Variants in FLI1 observed in about 807,000 individuals in gnomAD.
The protein encoded by FLI1 is Fli-1 proto-oncogene, ETS transcription factor, also known as Friend leukemia integration 1 transcription factor.
A neutral mutation model predicts 53.1 loss-of-function variants in FLI1; 13 were observed. That is an observed-to-expected ratio of 0.24 (90% CI 0.16 to 0.39). The LOEUF (loss-of-function observed/expected upper bound fraction) is 0.39. FLI1 is among the 10% of genes least tolerant of loss of function. FLI1 has a pLI of 1.00. For missense variants in FLI1, 424 were observed against 600.5 expected, an observed-to-expected ratio of 0.71 and a Z score of 3.07; for synonymous variants, 244 against 236.7, an observed-to-expected ratio of 1.03 and a Z score of -0.28.
intron 1 of FLI1, among the ~76,000 whole-genome samples, chr11:128,727,764 T>C (rs1939539926): frequency 6.6e-6 from 1 of 152,202 alleles, no homozygotes; most frequent in African/African-American, 2.4e-5. Flanking sequence ...TGCGTGCAAC[T>C]GGCTCTCAGG....
intron 1 of FLI1, among the ~76,000 whole-genome samples, chr11:128,697,177 G>C (rs1227618495): frequency 2.0e-5 from 3 of 152,306 alleles, no homozygotes; most frequent in East Asian, 3.9e-4. Flanking sequence ...ACTGTTTGCT[G>C]CTTTAAGAAA....
chr11:128,751,803 C>T (rs1168213772), intron 1 of FLI1, among the ~76,000 whole-genome samples: 7 of 149,770 alleles, frequency 4.7e-5, no homozygotes, highest in Non-Finnish European at 4.4e-5. Context: ...GCTGGGATTA[C>T]AGGCGTGGGT....
At chr11:128,719,757 C>T (rs779261238) in intron 1 of FLI1, among the ~76,000 whole-genome samples, 3 of 152,038 alleles carry the variant, frequency 2.0e-5, no homozygotes, top group East Asian at 1.9e-4. Flanking sequence ...ATGGAGTCAC[C>T]GGCTGAAATG....
intron 5 of FLI1, among the ~76,000 whole-genome samples, chr11:128,803,032 G>T (rs1261858881): frequency 6.6e-6 from 1 of 152,332 alleles, no homozygotes; most frequent in African/African-American, 2.4e-5. Context: ...GTAGACTAAT[G>T]ATTGAGCAGA....
intron 5 of FLI1, among the ~76,000 whole-genome samples, chr11:128,787,557 A>G (rs1591813252): frequency 6.6e-6 from 1 of 152,240 alleles, no homozygotes; most frequent in Non-Finnish European, 1.5e-5. Context: ...CTGATTAAAA[A>G]CTTGGGCTCT....
At chr11:128,731,770 A>G (rs1939708856) in intron 1 of FLI1, among the ~76,000 whole-genome samples, 1 of 152,178 alleles carries the variant, frequency 6.6e-6, no homozygotes, top group African/African-American at 2.4e-5. Context: ...TGGGAGGCGG[A>G]GGCGGGCAAA....
chr11:128,781,822 C>T lies in FLI1; in HGVS notation c.590-136C>T, dbSNP rs543299091. Reference sequence around the variant, plus strand: ...ACCAAATGGATTCCATTCGCTTTTCCTTTCTTCCTAGGAGTCCTCTGTCCC... The same window carrying T: ...ACCAAATGGATTCCATTCGCTTTTCTTTTCTTCCTAGGAGTCCTCTGTCCC... On this transcript the variant is annotated intron_variant, in intron 4 of 8. Coordinates refer to ENST00000527786, the MANE Select transcript of FLI1 (RefSeq NM_002017.5). 2.4e-4 allele frequency: 168 copies of T among 704,950 alleles called. No individual in the cohort carries two copies. The African/African-American group carries it at 2.7e-3, about 11-fold the overall frequency. The allele number at this position is 704,950 out of a possible 1,614,324, so 43.7% of individuals were successfully genotyped here.
At chr11:128,711,070 C>A (rs1377709808) in intron 1 of FLI1, among the ~76,000 whole-genome samples, 1 of 152,178 alleles carries the variant, frequency 6.6e-6, no homozygotes, top group East Asian at 1.9e-4. Context: ...ACTATGGTAG[C>A]CACTGTACTC....
At chr11:128,764,728 C>A in intron 2 of FLI1, 2 of 1,568,786 alleles carry the variant, frequency 1.3e-6, no homozygotes, top group South Asian at 1.2e-5. Flanking sequence ...GCCGTGGAGC[C>A]CCATGGCCGC....
rs1291383948 is a variant in FLI1, at chr11:128,781,847, C to T, written c.590-111C>T. On this transcript the variant is annotated intron_variant, in intron 4 of 8. Transcript: ENST00000527786. ...CTTTCTTCCTAGGAGTCCTCTGTCC[C>T]TCTTCCCCTCTCCCCATCTCTTTCC... The T allele has an allele frequency of 4.8e-6, 4 of 841,952 alleles. No homozygotes were observed. The African/African-American group carries it at 5.0e-5, about 11-fold the overall frequency. 52.2% of individuals were successfully genotyped at this position (841,952 alleles called of 1,614,324 possible).
intron 4 of FLI1, among the ~76,000 whole-genome samples, chr11:128,777,774 G>A (rs1941781932): frequency 2.0e-5 from 3 of 152,256 alleles, no homozygotes; most frequent in Admixed American, 2.0e-4. Context: ...GGCTGTGAGG[G>A]GGCACTGGTG....
At chr11:128,808,655 ATTTG>A (rs1189886934) in intron 7 of FLI1, among the ~76,000 whole-genome samples, 3 of 152,198 alleles carry the variant, frequency 2.0e-5, no homozygotes, top group African/African-American at 4.8e-5. Context: ...CCAACAAGTT[ATTTG>A]TTTATCACAT....
At chr11:128,734,059 C>T (rs906830684) in intron 1 of FLI1, among the ~76,000 whole-genome samples, 7 of 152,100 alleles carry the variant, frequency 4.6e-5, no homozygotes, top group South Asian at 2.1e-4. Flanking sequence ...CCAGGGGCTC[C>T]GAGGCCACAG....
At chr11:128,765,148 C>T (rs1441525506) in intron 2 of FLI1, among the ~76,000 whole-genome samples, 4 of 152,148 alleles carry the variant, frequency 2.6e-5, no homozygotes, top group Non-Finnish European at 5.9e-5. Context: ...CAGCGGCCAC[C>T]CCAGCAAGAG....
intron 1 of FLI1, among the ~76,000 whole-genome samples, chr11:128,694,935 G>T (rs982691747): frequency 3.0e-4 from 46 of 152,166 alleles, no homozygotes; most frequent in Non-Finnish European, 7.4e-5. Flanking sequence ...GGGACTCCTG[G>T]GCCGGCCTCG....
At chr11:128,777,802 G>A (rs546186360) in intron 4 of FLI1, among the ~76,000 whole-genome samples, 4 of 152,266 alleles carry the variant, frequency 2.6e-5, no homozygotes, top group African/African-American at 4.8e-5. Flanking sequence ...TGGTCACAGC[G>A]AGGCAGGAGA....
At chr11:128,729,049 C>T (rs986836959) in intron 1 of FLI1, among the ~76,000 whole-genome samples, 2 of 152,180 alleles carry the variant, frequency 1.3e-5, no homozygotes, top group Admixed American at 6.5e-5. Context: ...TGAGCTCCTG[C>T]GTGAATCCTA....
rs1483202165 is a variant in FLI1 at position 128,811,823 on chromosome 11, C to A, written c.*835C>A. The A allele has an allele frequency of 5.0e-6, 1 of 200,556 alleles. No individual in the cohort carries two copies. The highest frequency in any genetic ancestry group is 2.3e-5 in the African/African-American group (1 of 43,296). The allele number at this position is 200,556 out of a possible 1,614,324, so 12.4% of individuals were successfully genotyped here. ...AGACCAGGGCCAACCAATCAGAAGG[C>A]AACTTACTGTATAAATTATGCAGAG... On this transcript the variant is annotated 3_prime_UTR_variant, in exon 9 of 9. Transcript: ENST00000527786.
rs61907831 is a variant in FLI1, at chr11:128,688,524, G to A, written c.-203+1823G>A. Among the ~76,000 whole-genome samples, 616 of 152,266 alleles carry A rather than the reference G, an allele frequency of 4.0e-3. 2 individuals are homozygous for A. Among genetic ancestry groups the A allele is most frequent in the South Asian group, 7.9e-3 (38 of 4,824 alleles). On this transcript the variant is annotated intron_variant, in intron 1 of 6. Coordinates refer to the FLI1 transcript ENST00000344954. Reference sequence around the variant, plus strand: ...GGCTGCCAAGCCCCTGCCGTTGTCCGGCAGGCACCCGGCTCAGGAGTTGTT... The same window carrying A: ...GGCTGCCAAGCCCCTGCCGTTGTCCAGCAGGCACCCGGCTCAGGAGTTGTT...
Sources: gnomAD v4.1 joint callset for allele counts (sites outside exome capture counted in the v4.1 genomes callset) on GRCh38, gnomAD v4.1.1 for gene constraint, MANE v1.5 for transcripts, NCBI Gene and HGNC (gene_info 2026-07-23, HGNC 2026-07-21) for gene names.